The following DPH6 variants were observed in gnomAD, a reference collection of about 807,000 sequenced individuals.
DPH6 encodes the protein diphthine--ammonia ligase.
A neutral mutation model predicts 38.2 loss-of-function variants in DPH6; 33 were observed. That is an observed-to-expected ratio of 0.86 (90% CI 0.65 to 1.15). The LOEUF (loss-of-function observed/expected upper bound fraction) is 1.15. Ranked by LOEUF, DPH6 falls within the 50% of genes most tolerant of loss-of-function variation. The pLI, the probability that DPH6 is intolerant of heterozygous loss-of-function variation, is 0.00. For synonymous variants in DPH6, 108 were observed against 103.0 expected, an observed-to-expected ratio of 1.05 and a Z score of -0.30; for missense variants, 325 against 320.0, an observed-to-expected ratio of 1.02 and a Z score of -0.12.
intron 3 of DPH6, among the ~76,000 whole-genome samples, chr15:35,264,895 T>G (rs1290921249): frequency 6.6e-6 from 1 of 152,216 alleles, no homozygotes; most frequent in African/African-American, 2.4e-5. Flanking sequence ...ACTTTACTGA[T>G]GAGACATTTG....
At chr15:35,353,555 G>T (rs2052534069) in intron 3 of DPH6, among the ~76,000 whole-genome samples, 1 of 152,098 alleles carries the variant, frequency 6.6e-6, no homozygotes, top group Admixed American at 6.5e-5. Flanking sequence ...CCCATTTCTT[G>T]TTTTTGTCAG....
At chr15:35,248,920 A>G (rs1438931984) in intron 3 of DPH6, among the ~76,000 whole-genome samples, 1 of 152,240 alleles carries the variant, frequency 6.6e-6, no homozygotes. Context: ...AGTAATAATT[A>G]AAGTTTCATG....
At chr15:35,206,470 A>C in the DPH6 span, among the ~76,000 whole-genome samples, 3 of 152,192 alleles carry the variant, frequency 2.0e-5, no homozygotes, top group South Asian at 2.1e-4. Context: ...TGCCTCCTAC[A>C]GGACAAAGGT....
chr15:35,195,575 T>C, the DPH6 span, among the ~76,000 whole-genome samples: 2 of 152,142 alleles, frequency 1.3e-5, no homozygotes, highest in Non-Finnish European at 2.9e-5. Flanking sequence ...CTTAAGTCTA[T>C]AGATCCAGCT....
intron 3 of DPH6, among the ~76,000 whole-genome samples, chr15:35,481,750 C>G (rs990587163): frequency 3.9e-5 from 6 of 152,048 alleles, no homozygotes; most frequent in African/African-American, 1.4e-4. Flanking sequence ...TGGGTTATAA[C>G]TTAATTGTAG....
chr15:35,326,312 A>T (rs904044024), downstream of DPH6, among the ~76,000 whole-genome samples: 79 of 152,312 alleles, frequency 5.2e-4, no homozygotes, highest in African/African-American at 1.9e-3. Flanking sequence ...ATAACCACCT[A>T]TTAAAGCTCA....
the DPH6 span, among the ~76,000 whole-genome samples, chr15:35,206,662 ATAT>A: frequency 6.6e-6 from 1 of 152,244 alleles, no homozygotes; most frequent in Non-Finnish European, 1.5e-5. Context: ...TACCCACCAC[ATAT>A]TAACTGAAAG....
chr15:35,318,512 C>T (rs2052212411), intron 3 of DPH6, among the ~76,000 whole-genome samples: 1 of 152,136 alleles, frequency 6.6e-6, no homozygotes, highest in African/African-American at 2.4e-5. Context: ...AATACATATT[C>T]TTTACAAGTG....
At chr15:35,210,557 G>A in the DPH6 span, among the ~76,000 whole-genome samples, 3 of 152,118 alleles carry the variant, frequency 2.0e-5, no homozygotes, top group Non-Finnish European at 2.9e-5. Context: ...TACTTCATAT[G>A]TCATACACTA....
rs115952975 is a variant in DPH6 at position 35,442,262 on chromosome 15, A to G, written c.505+8423T>C. On this transcript the variant is annotated intron_variant, in intron 5 of 8. Transcript: ENST00000256538. ...TAAAGAAGATATACAAAGGGCCAAT[A>G]AATGCATGAGAAGATGGTCAACATC... Among the ~76,000 whole-genome samples the G allele has an allele frequency of 4.2e-3, 634 of 152,338 alleles. 10 individuals are homozygous for G. The highest frequency in any genetic ancestry group is 0.015 in the African/African-American group (604 of 41,586).
intron 5 of DPH6, among the ~76,000 whole-genome samples, chr15:35,438,555 C>G (rs1303992154): frequency 6.6e-6 from 1 of 152,106 alleles, no homozygotes; most frequent in African/African-American, 2.4e-5. Flanking sequence ...TCTTAAAGGG[C>G]CCCATTTGGA....
chr15:35,374,203 A>G (rs1190912921), intron 7 of DPH6, among the ~76,000 whole-genome samples: 1 of 152,086 alleles, frequency 6.6e-6, no homozygotes. Context: ...CTTTTATCAA[A>G]GATACCCTGT....
chr15:35,365,819 C>T, intron 3 of DPH6: 1 of 985,250 alleles, frequency 1.0e-6, no homozygotes, highest in Non-Finnish European at 1.2e-6. Context: ...TATTAATCTG[C>T]TCCAGTGACC....
At chr15:35,225,025 G>A (rs1056939637) in intron 3 of DPH6, among the ~76,000 whole-genome samples, 1 of 152,108 alleles carries the variant, frequency 6.6e-6, no homozygotes, top group Non-Finnish European at 1.5e-5. Context: ...TTTGTTTCAG[G>A]ATCCCATCCA....
chr15:35,241,479 A>G, intron 3 of DPH6, among the ~76,000 whole-genome samples: 1 of 142,950 alleles, frequency 7.0e-6, no homozygotes, highest in South Asian at 2.5e-4. Context: ...AACTTAGACA[A>G]CACTCTTTTA....
chr15:35,148,637 A>T, the DPH6 span, among the ~76,000 whole-genome samples: 1 of 152,190 alleles, frequency 6.6e-6, no homozygotes, highest in East Asian at 1.9e-4. Context: ...TGTATAATTC[A>T]TAAAGGCAAA....
At chr15:35,545,890 G>A (rs1333923354) in intron 1 of DPH6, among the ~76,000 whole-genome samples, 2 of 152,146 alleles carry the variant, frequency 1.3e-5, no homozygotes, top group Non-Finnish European at 2.9e-5. Flanking sequence ...CAAGTTTAAG[G>A]GCTAGAAGAC....
chr15:35,157,943 CAA>C, the DPH6 span, among the ~76,000 whole-genome samples: 1 of 139,942 alleles, frequency 7.1e-6, no homozygotes. Context: ...ACAACCCAGC[CAA>C]AAAAAAAAAA....
chr15:35,347,427 T>C (rs1448081278), intron 3 of DPH6, among the ~76,000 whole-genome samples: 1 of 151,462 alleles, frequency 6.6e-6, no homozygotes, highest in African/African-American at 2.4e-5. Context: ...GCTGGAATTG[T>C]AAGTGTGAGC....
Sources: gnomAD v4.1 joint callset for allele counts (sites outside exome capture counted in the v4.1 genomes callset) on GRCh38, gnomAD v4.1.1 for gene constraint, MANE v1.5 for transcripts, NCBI Gene and HGNC (gene_info 2026-07-23, HGNC 2026-07-21) for gene names.